Variants in DLGAP2 observed in about 807,000 individuals in gnomAD.
DLGAP2 encodes disks large-associated protein 2.
In DLGAP2, 26 loss-of-function variants were observed where a neutral mutation model predicts 100.3. The ratio of observed to expected loss-of-function variants is 0.26; its 90% CI spans 0.19 to 0.36. The LOEUF (loss-of-function observed/expected upper bound fraction) is 0.36. DLGAP2 is among the 10% of genes least tolerant of loss of function. DLGAP2 has a pLI of 1.00. For synonymous variants in DLGAP2, 886 were observed against 630.1 expected, an observed-to-expected ratio of 1.41 and a Z score of -6.08; for missense variants, 1,858 against 1,453.2, an observed-to-expected ratio of 1.28 and a Z score of -4.53.
intron 3 of DLGAP2, among the ~76,000 whole-genome samples, chr8:1,338,795 C>T (rs892572110): frequency 3.3e-5 from 5 of 151,922 alleles, no homozygotes; most frequent in Non-Finnish European, 7.4e-5. Flanking sequence ...ACCATGGTGT[C>T]AGGACCTGGG....
chr8:1,332,025 C>G (rs968184876), intron 3 of DLGAP2, among the ~76,000 whole-genome samples: 1 of 152,200 alleles, frequency 6.6e-6, no homozygotes, highest in African/African-American at 2.4e-5. Context: ...CGCCTTCTTT[C>G]TTTTGCTGGT....
chr8:1,270,692 CTGTGTGTGTCTCTG>C lies in DLGAP2; in HGVS notation c.106+11819_106+11832del, dbSNP rs1437902535. Among the ~76,000 whole-genome samples, 38 of 94,242 alleles carry C rather than the reference CTGTGTGTGTCTCTG, an allele frequency of 4.0e-4. No homozygotes were observed. In the East Asian group the frequency reaches 7.3e-3, roughly 18 times the overall value. 61.8% of individuals were successfully genotyped at this position (94,242 alleles called of 152,430 possible). A position where few individuals can be genotyped will look rare whatever the true frequency, so the allele number is the denominator to read the frequency against. On this transcript the variant is annotated intron_variant, in intron 3 of 14. Coordinates refer to ENST00000637795, the MANE Select transcript of DLGAP2 (RefSeq NM_001346810.2). ...TGTGTGTGTCTCTCTATTTATGTCT[CTGTGTGTGTCTCTG>C]TGTGTGTGTGTGTGTCTCCCTCTCT...
chr8:1,007,542 C>T (rs541304402), intron 2 of DLGAP2, among the ~76,000 whole-genome samples: 5 of 151,724 alleles, frequency 3.3e-5, no homozygotes, highest in South Asian at 2.1e-4. Context: ...CGGATGTACA[C>T]GAAGCCATGT....
rs1802379284 is a variant in DLGAP2 at position 1,565,886 on chromosome 8, G to A, written c.1434G>A (p.Glu478=). 2.5e-6 allele frequency: 4 copies of A among 1,603,558 alleles called. No homozygotes were observed. The highest frequency in any genetic ancestry group is 8.5e-7 in the Non-Finnish European group (1 of 1,175,386). The part of the protein sequence containing the change: ...LKSIGQRPLG[E]HQTQTYLQAA... ...CCATCGGACAGAGACCGCTTGGAGA[G>A]CACCAGACGTAAGTGAGACCAGCTG... The change falls in exon 6 of 15, where the codon GAG becomes GAA. Residue 478 remains glutamate, a synonymous_variant. Coordinates refer to ENST00000637795, the MANE Select transcript of DLGAP2 (RefSeq NM_001346810.2).
chr8:968,256 C>G (rs1356767340), intron 2 of DLGAP2, among the ~76,000 whole-genome samples: 1 of 152,140 alleles, frequency 6.6e-6, no homozygotes, highest in African/African-American at 2.4e-5. Flanking sequence ...CGTGGGGCCC[C>G]TGCCCCCAAC....
intron 3 of DLGAP2, among the ~76,000 whole-genome samples, chr8:1,488,622 CAG>C (rs1799290693): frequency 6.6e-6 from 1 of 152,168 alleles, no homozygotes; most frequent in African/African-American, 2.4e-5. Flanking sequence ...CAGGAGAAAA[CAG>C]GGGTTTGGAG....
intron 2 of DLGAP2, among the ~76,000 whole-genome samples, chr8:1,051,075 G>T (rs2129032878): frequency 6.7e-6 from 1 of 149,640 alleles, no homozygotes. Context: ...TCATTTTGTG[G>T]TGGGGTCTTT....
chr8:842,392 C>G (rs1289757090), intron 1 of DLGAP2, among the ~76,000 whole-genome samples: 2 of 152,212 alleles, frequency 1.3e-5, no homozygotes, highest in Admixed American at 6.5e-5. Context: ...CTGTATTCCC[C>G]TAACCTAACA....
At chr8:1,519,848 C>G (rs1273979976) in intron 4 of DLGAP2, among the ~76,000 whole-genome samples, 6 of 152,246 alleles carry the variant, frequency 3.9e-5, no homozygotes, top group Admixed American at 2.0e-4. Context: ...CCGCCCATGG[C>G]TTCCTTTGGG....
intron 1 of DLGAP2, among the ~76,000 whole-genome samples, chr8:748,465 T>C (rs1164662959): frequency 6.6e-6 from 1 of 152,080 alleles, no homozygotes; most frequent in Non-Finnish European, 1.5e-5. Flanking sequence ...ATGTGGGCGT[T>C]GGTGGGTCAG....
intron 3 of DLGAP2, among the ~76,000 whole-genome samples, chr8:1,455,113 A>G (rs192848399): frequency 1.3e-5 from 2 of 152,316 alleles, no homozygotes; most frequent in East Asian, 3.9e-4. Flanking sequence ...GGTTTGAGCA[A>G]TGTAATGAGC....
chr8:998,499 C>G (rs1736176958), intron 2 of DLGAP2, among the ~76,000 whole-genome samples: 1 of 150,454 alleles, frequency 6.6e-6, no homozygotes, highest in South Asian at 2.1e-4. Flanking sequence ...GATAGGATCT[C>G]ACTGTGTCAC....
chr8:1,482,764 G>A (rs567737621), intron 3 of DLGAP2, among the ~76,000 whole-genome samples: 1 of 152,376 alleles, frequency 6.6e-6, no homozygotes, highest in African/African-American at 2.4e-5. Flanking sequence ...CCCAAACACA[G>A]AGTAGGAGCT....
chr8:1,228,473 T>A (rs1395744323), intron 2 of DLGAP2, among the ~76,000 whole-genome samples: 1 of 152,214 alleles, frequency 6.6e-6, no homozygotes, highest in African/African-American at 2.4e-5. Context: ...CCGATATTTG[T>A]CTGATACTAA....
intron 2 of DLGAP2, among the ~76,000 whole-genome samples, chr8:1,209,546 A>G (rs7815197): frequency 0.024 from 3,693 of 152,260 alleles, 166 homozygotes; most frequent in African/African-American, 0.084. Flanking sequence ...ATCCGTTTCT[A>G]TACTACTCTA....
At chr8:815,020 A>C (rs953836129) in intron 1 of DLGAP2, among the ~76,000 whole-genome samples, 4 of 152,186 alleles carry the variant, frequency 2.6e-5, no homozygotes, top group African/African-American at 9.6e-5. Flanking sequence ...GAGAAAGCAC[A>C]GTTAACGGAG....
At chr8:1,300,948 G>A (rs1296893606) in intron 3 of DLGAP2, 2 of 152,270 alleles carry the variant, frequency 1.3e-5, no homozygotes, top group Non-Finnish European at 2.9e-5. Flanking sequence ...CGTCCTCCCT[G>A]TGGCTCGGTG....
At chr8:1,366,322 C>T (rs1248558120) in intron 3 of DLGAP2, among the ~76,000 whole-genome samples, 4 of 152,228 alleles carry the variant, frequency 2.6e-5, no homozygotes, top group African/African-American at 4.8e-5. Flanking sequence ...TGAGACATGT[C>T]TCCTGTTGTT....
intron 3 of DLGAP2, among the ~76,000 whole-genome samples, chr8:1,424,447 T>C (rs978005373): frequency 1.3e-5 from 2 of 152,180 alleles, no homozygotes; most frequent in African/African-American, 4.8e-5. Flanking sequence ...AAAATGAAAA[T>C]GTTCAATTGT....
Sources: allele counts gnomAD v4.1 joint callset (sites outside exome capture counted in the v4.1 genomes callset), GRCh38; gene constraint gnomAD v4.1.1; transcripts MANE v1.5; gene names NCBI Gene and HGNC (gene_info 2026-07-23, HGNC 2026-07-21).